Variants in XRCC4 observed in about 807,000 individuals in gnomAD.
XRCC4 encodes the protein X-ray repair cross complementing 4.
In XRCC4, 28 loss-of-function variants were observed where a neutral mutation model predicts 39.1. The observed-to-expected ratio is 0.72, with a 90% CI of 0.53 to 0.98. The LOEUF is 0.98. Ranked by LOEUF, XRCC4 falls within the 50% of genes least tolerant of loss-of-function variation. The pLI, the probability that XRCC4 is intolerant of heterozygous loss-of-function variation, is 0.00. For missense variants in XRCC4, 350 were observed against 376.4 expected, an observed-to-expected ratio of 0.93 and a Z score of 0.58; for synonymous variants, 123 against 126.4, an observed-to-expected ratio of 0.97 and a Z score of 0.18.
chr5:83,153,799 T>A (rs752500911), intron 3 of XRCC4, among the ~76,000 whole-genome samples: 13 of 152,252 alleles, frequency 8.5e-5, no homozygotes, highest in African/African-American at 1.2e-4. Context: ...ACTTGTGATT[T>A]ATATACTCAT....
intron 7 of XRCC4, among the ~76,000 whole-genome samples, chr5:83,349,191 C>T (rs951436274): frequency 1.3e-5 from 2 of 152,138 alleles, no homozygotes; most frequent in African/African-American, 2.4e-5. Flanking sequence ...TCTGGTTACA[C>T]ACATACTATC....
chr5:83,290,347 TTATA>T (rs1472151084), intron 7 of XRCC4, among the ~76,000 whole-genome samples: 1 of 151,480 alleles, frequency 6.6e-6, no homozygotes, highest in African/African-American at 2.4e-5. Context: ...TTGTATAGAA[TTATA>T]TATAAAGTGG....
chr5:83,094,316 CCCTCCCCTCT>C, intron 1 of XRCC4, among the ~76,000 whole-genome samples: 1 of 125,528 alleles, frequency 8.0e-6, no homozygotes, highest in Non-Finnish European at 1.7e-5. Context: ...CCCTTCCCTC[CCCTCCCCTCT>C]CCTCCCCTTC....
intron 3 of XRCC4, among the ~76,000 whole-genome samples, chr5:83,192,099 A>G (rs952909421): frequency 6.8e-6 from 1 of 147,766 alleles, no homozygotes; most frequent in African/African-American, 2.4e-5. Flanking sequence ...AAAAGTATTT[A>G]TTCTATCACT....
intron 3 of XRCC4, among the ~76,000 whole-genome samples, chr5:83,179,925 T>A (rs1033189828): frequency 1.3e-5 from 2 of 152,166 alleles, no homozygotes; most frequent in African/African-American, 4.8e-5. Flanking sequence ...TGATCTGGAA[T>A]TTTTTTACTG....
chr5:83,240,754 T>C (rs1752876693), intron 6 of XRCC4, among the ~76,000 whole-genome samples: 1 of 152,166 alleles, frequency 6.6e-6, no homozygotes, highest in Non-Finnish European at 1.5e-5. Context: ...GAAAAACCAG[T>C]ACCACGGTAT....
At chr5:83,191,919 TAAA>T (rs1409869196) in intron 3 of XRCC4, among the ~76,000 whole-genome samples, 4 of 152,100 alleles carry the variant, frequency 2.6e-5, no homozygotes, top group Non-Finnish European at 5.9e-5. Context: ...CTAACTTAGT[TAAA>T]AAGAACTTGG....
At chr5:83,355,585 G>C (rs1424949561), downstream of XRCC4, among the ~76,000 whole-genome samples, 8 of 152,208 alleles carry the variant, frequency 5.3e-5, no homozygotes, top group Non-Finnish European at 1.2e-4. Context: ...GAAAGCTCAA[G>C]TACTCTTTGT....
chr5:83,160,253 A>G (rs536093355), intron 3 of XRCC4, among the ~76,000 whole-genome samples: 1 of 152,334 alleles, frequency 6.6e-6, no homozygotes, highest in Admixed American at 6.5e-5. Flanking sequence ...GGGAATATTA[A>G]ATTATTTGAG....
chr5:83,326,154 C>G (rs1756252271), intron 7 of XRCC4, among the ~76,000 whole-genome samples: 1 of 152,006 alleles, frequency 6.6e-6, no homozygotes, highest in African/African-American at 2.4e-5. Context: ...GGATATTAGA[C>G]CTTTGTCAAA....
At chr5:83,116,019 C>T (rs1746691982) in intron 3 of XRCC4, among the ~76,000 whole-genome samples, 1 of 152,096 alleles carries the variant, frequency 6.6e-6, no homozygotes, top group South Asian at 2.1e-4. Context: ...TGGGAGTCTT[C>T]CAGTATTCAG....
At chr5:83,117,770 T>C (rs1160417951) in intron 3 of XRCC4, among the ~76,000 whole-genome samples, 4 of 151,882 alleles carry the variant, frequency 2.6e-5, no homozygotes, top group African/African-American at 9.7e-5. Flanking sequence ...CTGGGATACA[T>C]GTGCAGGATG....
the XRCC4 span, among the ~76,000 whole-genome samples, chr5:83,360,996 TAATAA>T: frequency 6.6e-6 from 1 of 152,146 alleles, no homozygotes; most frequent in African/African-American, 2.4e-5. Context: ...TGGAACCTGG[TAATAA>T]AATAAATAGG....
intron 3 of XRCC4, among the ~76,000 whole-genome samples, chr5:83,119,949 T>C (rs1271861638): frequency 1.4e-5 from 2 of 146,036 alleles, no homozygotes; most frequent in Admixed American, 1.4e-4. Context: ...GCCAGTGCAC[T>C]GCAGCCTGTC....
intron 3 of XRCC4, among the ~76,000 whole-genome samples, chr5:83,144,107 CTT>C (rs1748316835): frequency 1.3e-5 from 2 of 151,986 alleles, no homozygotes. Flanking sequence ...CTCTATATGT[CTT>C]TGTGTAACTA....
intron 7 of XRCC4, among the ~76,000 whole-genome samples, chr5:83,331,673 G>A (rs1186204134): frequency 6.6e-6 from 1 of 152,064 alleles, no homozygotes; most frequent in Non-Finnish European, 1.5e-5. Flanking sequence ...CATTGATTAG[G>A]TAGATAAAAG....
chr5:83,113,453 T>G (rs1746545695), intron 3 of XRCC4, among the ~76,000 whole-genome samples: 1 of 151,996 alleles, frequency 6.6e-6, no homozygotes. Flanking sequence ...CATTCTGGGG[T>G]CTGCAGGAAA....
At position 83,258,896 on chromosome 5, in the gene XRCC4, T is replaced by C. The variant is rs1356015626; in HGVS notation, c.893+219T>C. ...AATGCTGAGAACGTAAGCAAAAATTTTTTTCTCATGGTTTTTATAGATTAA... is the reference window on the plus strand; with the variant it reads ...AATGCTGAGAACGTAAGCAAAAATTCTTTTCTCATGGTTTTTATAGATTAA... On this transcript the variant is annotated intron_variant, in intron 7 of 7. Coordinates refer to ENST00000396027, the MANE Select transcript of XRCC4 (RefSeq NM_003401.5). The C allele has an allele frequency of 7.5e-6, 4 of 536,606 alleles. No individual in the cohort carries two copies. The African/African-American group carries it at 8.0e-5, about 11-fold the overall frequency. The allele number at this position is 536,606 out of a possible 1,614,324, so 33.2% of individuals were successfully genotyped here. A position where few individuals can be genotyped will look rare whatever the true frequency, so the allele number is the denominator to read the frequency against.
intron 3 of XRCC4, among the ~76,000 whole-genome samples, chr5:83,124,674 A>G (rs1747173792): frequency 2.0e-5 from 3 of 152,206 alleles, no homozygotes; most frequent in Admixed American, 1.3e-4. Context: ...TTGGCTGCCC[A>G]TTTTGGGAAA....
Sources: allele counts gnomAD v4.1 joint callset (sites outside exome capture counted in the v4.1 genomes callset), GRCh38; gene constraint gnomAD v4.1.1; transcripts MANE v1.5; gene names NCBI Gene and HGNC (gene_info 2026-07-23, HGNC 2026-07-21).